Variants in SIPA1L2 observed in about 807,000 individuals in gnomAD.
SIPA1L2 encodes signal induced proliferation associated 1 like 2, also known as signal-induced proliferation-associated 1-like protein 2.
A neutral mutation model predicts 163.9 loss-of-function variants in SIPA1L2; 56 were observed. That is an observed-to-expected ratio of 0.34 (90% CI 0.28 to 0.43). The LOEUF (loss-of-function observed/expected upper bound fraction) is 0.43, where lower values mean the gene tolerates loss of function less well. SIPA1L2 is among the 20% of genes least tolerant of loss of function. SIPA1L2 has a pLI of 1.00. For synonymous variants in SIPA1L2, 877 were observed against 865.7 expected, an observed-to-expected ratio of 1.01 and a Z score of -0.23; for missense variants, 1,974 against 2,193.5, an observed-to-expected ratio of 0.90 and a Z score of 2.00.
rs531540774 is a variant in SIPA1L2 at position 232,423,973 on chromosome 1, C to G, written c.4630+1616G>C. ...TAAAAAGATTAGTGGTTGCCAGGAG[C>G]TAGAGGGGAGGGAGGGATGAACACG... On this transcript the variant is annotated intron_variant, in intron 18 of 22. Coordinates refer to ENST00000674635, the MANE Select transcript of SIPA1L2 (RefSeq NM_020808.5). 5.9e-5 allele frequency among the ~76,000 whole-genome samples: 9 copies of G among 152,168 alleles called. No individual in the cohort carries two copies. The East Asian group carries it at 1.7e-3, about 29-fold the overall frequency.
At chr1:232,588,800 C>T (rs1334402) in intron 1 of SIPA1L2, among the ~76,000 whole-genome samples, 42,712 of 152,010 alleles carry the variant, frequency 0.28, 6,146 homozygotes, top group African/African-American at 0.32. Flanking sequence ...TAAAGATATT[C>T]GCAAAAAATA....
intron 1 of SIPA1L2, among the ~76,000 whole-genome samples, chr1:232,615,247 G>A (rs748313383): frequency 1.1e-4 from 17 of 152,140 alleles, no homozygotes; most frequent in Non-Finnish European, 2.2e-4. Flanking sequence ...ACACAGGCTC[G>A]GAATCTACTC....
intron 2 of SIPA1L2, among the ~76,000 whole-genome samples, chr1:232,567,420 T>G (rs1190049660): frequency 1.3e-5 from 2 of 152,182 alleles, no homozygotes; most frequent in East Asian, 3.8e-4. Flanking sequence ...ACCTTACTCA[T>G]AATATAATCA....
At chr1:232,554,553 T>C (rs912633300) in intron 2 of SIPA1L2, among the ~76,000 whole-genome samples, 3 of 150,856 alleles carry the variant, frequency 2.0e-5, no homozygotes, top group Admixed American at 6.6e-5. Context: ...TAGATTTCCC[T>C]TCAGTTTGCT....
In SIPA1L2 at chr1:232,460,890, C is replaced by A. The variant is rs202065368; in HGVS notation, c.3092G>T (p.Arg1031Leu). The change falls in exon 10 of 23, where the codon CGA (arginine) becomes CTA (leucine). Residue 1031 changes from arginine (R) to leucine (L), a missense_variant. Around this residue, in one of 3 missense-constraint regions of SIPA1L2, gnomAD observed 1,079 missense variants for 1,150.7 expected, o/e 0.94. Transcript: ENST00000674635. ...ACTTGGGCCTCCCACGCCTTACCTT[C>A]GGGGCGAGCCGTCATCATGGGGCTG... is the stretch of plus-strand genomic sequence containing the variant. ...IIQPHDDGSP[R>L]RGCSELCRIP... The A allele has an allele frequency of 1.2e-6, 2 of 1,612,142 alleles. No individual in the cohort carries two copies. Among genetic ancestry groups the A allele is most frequent in the East Asian group, 2.2e-5 (1 of 44,812 alleles).
At chr1:232,560,365 T>A (rs964874666) in intron 2 of SIPA1L2, among the ~76,000 whole-genome samples, 33 of 152,344 alleles carry the variant, frequency 2.2e-4, no homozygotes, top group Middle Eastern at 3.4e-3. Flanking sequence ...CAAAAGAAGC[T>A]GCTATGCCCT....
chr1:232,446,934 T>C (rs1663252141), intron 10 of SIPA1L2, among the ~76,000 whole-genome samples: 1 of 152,248 alleles, frequency 6.6e-6, no homozygotes, highest in Non-Finnish European at 1.5e-5. Context: ...TTTCATTAAT[T>C]TGACTTTAAA....
intron 15 of SIPA1L2, among the ~76,000 whole-genome samples, chr1:232,435,501 T>C (rs1306478928): frequency 6.6e-6 from 1 of 152,244 alleles, no homozygotes; most frequent in African/African-American, 2.4e-5. Context: ...TCTGGACTAA[T>C]GCTCTTCTTT....
intron 1 of SIPA1L2, among the ~76,000 whole-genome samples, chr1:232,606,387 T>C (rs924019939): frequency 2.6e-5 from 4 of 152,156 alleles, no homozygotes; most frequent in Non-Finnish European, 5.9e-5. Flanking sequence ...CCGGCAATTA[T>C]ACTGCTAAAA....
chr1:232,587,072 C>T (rs763999827), intron 1 of SIPA1L2, among the ~76,000 whole-genome samples: 30 of 152,162 alleles, frequency 2.0e-4, no homozygotes, highest in Non-Finnish European at 2.1e-4. Flanking sequence ...AACTTTATTA[C>T]TTTTATACTA....
At chr1:232,607,760 TA>T (rs1267584055) in intron 1 of SIPA1L2, among the ~76,000 whole-genome samples, 19 of 148,240 alleles carry the variant, frequency 1.3e-4, no homozygotes, top group African/African-American at 2.2e-4. Context: ...ACCTCTTTTT[TA>T]AAAAAAAAAA....
In SIPA1L2 at chr1:232,445,555, G is replaced by A. The variant is rs200409966; in HGVS notation, c.3327C>T (p.Phe1109=). 1.5e-5 allele frequency: 25 copies of A among 1,613,932 alleles called. No homozygotes were observed. Among genetic ancestry groups the A allele is most frequent in the South Asian group, 3.3e-5 (3 of 91,074 alleles). The change falls in exon 11 of 23, where the codon TTC becomes TTT. Residue 1109 remains phenylalanine, a synonymous_variant. Coordinates refer to ENST00000674635, the MANE Select transcript of SIPA1L2 (RefSeq NM_020808.5). ...AQAAIPRSTS[F]DRKLPDGTRS... ...TCGTGCCATCGGGCAGCTTCCGGTCGAAGGAGGTGCTTCGAGGAATGGCAG... is the reference window on the plus strand; with the variant it reads ...TCGTGCCATCGGGCAGCTTCCGGTCAAAGGAGGTGCTTCGAGGAATGGCAG...
intron 16 of SIPA1L2, among the ~76,000 whole-genome samples, chr1:232,430,975 C>G (rs540586479): frequency 2.6e-4 from 39 of 152,290 alleles, no homozygotes; most frequent in African/African-American, 9.1e-4. Context: ...ATTCTGGACA[C>G]TGCCTCGCTC....
chr1:232,448,586 C>T (rs1663353796), intron 10 of SIPA1L2, among the ~76,000 whole-genome samples: 1 of 152,174 alleles, frequency 6.6e-6, no homozygotes, highest in Non-Finnish European at 1.5e-5. Context: ...AACTCTAATA[C>T]ACAGTATGTA....
chr1:232,568,281 C>A (rs905245239), intron 2 of SIPA1L2, among the ~76,000 whole-genome samples: 24 of 152,268 alleles, frequency 1.6e-4, no homozygotes, highest in Admixed American at 6.5e-5. Flanking sequence ...TGGGACTGGG[C>A]CCTCAACCTG....
chr1:232,517,984 T>C (rs1053428702), intron 2 of SIPA1L2, among the ~76,000 whole-genome samples: 20 of 152,008 alleles, frequency 1.3e-4, no homozygotes, highest in Admixed American at 1.3e-3. Context: ...GAATTAGAGG[T>C]AGCGGTGAGC....
rs570944790 is a variant in SIPA1L2, at chr1:232,627,221, T to C, written c.-319+2648A>G. Among the ~76,000 whole-genome samples the C allele has an allele frequency of 6.9e-4, 105 of 152,314 alleles. No homozygotes were observed. In the Middle Eastern group the frequency reaches 0.01, roughly 15 times the overall value. On this transcript the variant is annotated intron_variant, in intron 1 of 22. Transcript: ENST00000674635. ...AAAATAACGCTGCATTTACCAATTA[T>C]GGTTGGGGGCAAGGGGCTGTATCCA...
At position 232,428,465 on chromosome 1, in the gene SIPA1L2, ATCT is replaced by A. The variant is rs761044724; in HGVS notation, c.4353_4355del (p.Glu1451del). ...TGTCAGGAAGCATCAATTTCAGAAA[ATCT>A]TCTTTAGACAGAACATGTTGAGTCT... On this transcript the variant is annotated inframe_deletion, in exon 17 of 23. Transcript: ENST00000674635. The A allele has an allele frequency of 7.6e-6, 12 of 1,588,954 alleles. No homozygotes were observed. The highest frequency in any genetic ancestry group is 8.6e-6 in the Non-Finnish European group (10 of 1,168,380).
At chr1:232,550,709 A>G (rs1356066557) in intron 2 of SIPA1L2, among the ~76,000 whole-genome samples, 1 of 152,114 alleles carries the variant, frequency 6.6e-6, no homozygotes, top group East Asian at 1.9e-4. Flanking sequence ...AAGGCTGGCA[A>G]CTCTTCTCCC....
Sources: gnomAD v4.1 joint callset for allele counts (sites outside exome capture counted in the v4.1 genomes callset) on GRCh38, gnomAD v4.1.1 for gene constraint, gnomAD v4.1.1 regional missense constraint, MANE v1.5 for transcripts, NCBI Gene and HGNC (gene_info 2026-07-23, HGNC 2026-07-21) for gene names.